Variants in NEDD4L observed in about 807,000 individuals in gnomAD.
NEDD4L encodes E3 ubiquitin-protein ligase NEDD4-like.
Under a neutral mutation model 148.9 loss-of-function variants are expected in NEDD4L, and 54 were observed. The observed-to-expected ratio is 0.36, with a 90% CI of 0.29 to 0.45. The LOEUF (loss-of-function observed/expected upper bound fraction) is 0.45, where lower values mean the gene tolerates loss of function less well. NEDD4L is among the 20% of genes least tolerant of loss of function. NEDD4L has a pLI of 1.00. For missense variants in NEDD4L, 856 were observed against 1,233.8 expected (o/e 0.69, Z 4.59); for synonymous variants, 433 against 440.7 (o/e 0.98, Z 0.22).
chr18:58,243,175 G>A (rs139198999), intron 2 of NEDD4L, among the ~76,000 whole-genome samples: 111 of 152,248 alleles, frequency 7.3e-4, no homozygotes, highest in African/African-American at 2.4e-3. Flanking sequence ...TATAATAGCC[G>A]GCAATCATGA....
intron 2 of NEDD4L, among the ~76,000 whole-genome samples, chr18:58,203,122 C>T (rs760042545): frequency 5.9e-5 from 9 of 152,028 alleles, no homozygotes; most frequent in Non-Finnish European, 1.3e-4. Flanking sequence ...CACACACCAC[C>T]ACACCAACTA....
chr18:58,237,818 C>A (rs1325073257), intron 2 of NEDD4L, among the ~76,000 whole-genome samples: 6 of 152,128 alleles, frequency 3.9e-5, no homozygotes, highest in Non-Finnish European at 7.3e-5. Flanking sequence ...CCCCCTGTCT[C>A]CCAGGGGTCT....
At chr18:58,120,653 G>A (rs1321191989) in intron 1 of NEDD4L, among the ~76,000 whole-genome samples, 1 of 152,196 alleles carries the variant, frequency 6.6e-6, no homozygotes, top group African/African-American at 2.4e-5. Flanking sequence ...GGTGGCGGGA[G>A]CCTGTAGTCC....
intron 5 of NEDD4L, among the ~76,000 whole-genome samples, chr18:58,262,784 C>T (rs2049615773): frequency 6.6e-6 from 1 of 152,186 alleles, no homozygotes; most frequent in African/African-American, 2.4e-5. Flanking sequence ...AAATGAGTAA[C>T]TCAGTGAGAC....
intron 24 of NEDD4L, among the ~76,000 whole-genome samples, chr18:58,378,303 A>G (rs1230744201): frequency 6.6e-6 from 1 of 152,220 alleles, no homozygotes; most frequent in East Asian, 1.9e-4. Flanking sequence ...GAGGTGGGCC[A>G]CTGGCAGAAA....
intron 5 of NEDD4L, among the ~76,000 whole-genome samples, chr18:58,269,688 C>T (rs868144249): frequency 6.6e-6 from 1 of 152,072 alleles, no homozygotes; most frequent in Admixed American, 6.5e-5. Context: ...TTGAGAAAAA[C>T]TGATTTAAGA....
chr18:58,072,872 G>GCACACACA (rs766485355), intron 1 of NEDD4L, among the ~76,000 whole-genome samples: 1,333 of 131,582 alleles, frequency 0.01, 8 homozygotes, highest in Middle Eastern at 0.031. Flanking sequence ...GCGCGCGCGC[G>GCACACACA]CACACACACA....
chr18:58,070,507 GAAGT>G (rs1167113056), intron 1 of NEDD4L, among the ~76,000 whole-genome samples: 1 of 152,044 alleles, frequency 6.6e-6, no homozygotes, highest in African/African-American at 2.4e-5. Flanking sequence ...TTAAAATGGA[GAAGT>G]AAATGTTCCT....
intron 24 of NEDD4L, among the ~76,000 whole-genome samples, chr18:58,380,318 T>G (rs190213006): frequency 1.5e-3 from 231 of 150,194 alleles, no homozygotes; most frequent in African/African-American, 5.4e-3. Flanking sequence ...ATTTATTTAT[T>G]TATTTATTTA....
At chr18:58,184,214 G>T (rs1344886023) in intron 2 of NEDD4L, among the ~76,000 whole-genome samples, 2 of 152,128 alleles carry the variant, frequency 1.3e-5, no homozygotes, top group African/African-American at 4.8e-5. Flanking sequence ...TCCTGGTAGG[G>T]GTGTCTGGCT....
intron 1 of NEDD4L, among the ~76,000 whole-genome samples, chr18:58,153,738 A>G (rs523721): frequency 0.98 from 149,646 of 152,142 alleles, 73,604 homozygotes; most frequent in East Asian, 1. Context: ...GCTCTGCCTC[A>G]TGGGTTCACG....
At chr18:58,246,177 A>G (rs2047245363) in intron 3 of NEDD4L, among the ~76,000 whole-genome samples, 1 of 152,192 alleles carries the variant, frequency 6.6e-6, no homozygotes, top group Admixed American at 6.5e-5. Context: ...CACAGAATAC[A>G]GCAAAAACAA....
chr18:58,234,045 TTTTCTTTCTTTCTTTCTTTC>T (rs1156456436), intron 2 of NEDD4L, among the ~76,000 whole-genome samples: 9 of 117,876 alleles, frequency 7.6e-5, no homozygotes, highest in South Asian at 2.9e-4. Context: ...ATTTCTTTCC[TTTTCTTTCTTTCTTTCTTTC>T]TTTCTTTCTT....
At chr18:58,105,228 T>C (rs1626076) in intron 1 of NEDD4L, among the ~76,000 whole-genome samples, 42,800 of 152,090 alleles carry the variant, frequency 0.28, 6,728 homozygotes, top group African/African-American at 0.42. Context: ...ACTGAAGGTA[T>C]GATGCCTGAA....
rs1442827767 is a variant in NEDD4L at position 58,245,479 on chromosome 18, GC to G, written c.176del (p.Ala59ValfsTer12). Reference sequence around the variant, plus strand: ...CGTAGCGGATGAGAATAGAGAACTTGCTTTGGTCCAGACAAAAACAATTAAA... The same window carrying G: ...CGTAGCGGATGAGAATAGAGAACTTGTTTGGTCCAGACAAAAACAATTAAA... ...LYVADENREL[A>X]LVQTKTIKKT... On this transcript the variant is annotated frameshift_variant, in exon 3 of 31. Transcript: ENST00000400345. LOFTEE classifies it high-confidence loss of function. 6.3e-7 allele frequency: 1 copy of G among 1,583,962 alleles called. No homozygotes were observed.
Position 58,273,574 on chromosome 18 carries a change from A to G in NEDD4L, c.297+21520A>G, listed in dbSNP as rs57065701. On this transcript the variant is annotated intron_variant, in intron 5 of 30. Transcript: ENST00000400345. ...TAGAATCCTTCTTCACTTTTGAATC[A>G]TTTGGTCCAGGAGTTTAAGGCCTTT... is the stretch of plus-strand genomic sequence containing the variant. Among the ~76,000 whole-genome samples, 1,404 of 152,260 alleles carry G rather than the reference A, an allele frequency of 9.2e-3. 23 individuals are homozygous for G. The highest frequency in any genetic ancestry group is 0.032 in the African/African-American group (1,341 of 41,536).
intron 1 of NEDD4L, among the ~76,000 whole-genome samples, chr18:58,115,073 C>T (rs923415496): frequency 3.3e-5 from 5 of 152,260 alleles, no homozygotes; most frequent in African/African-American, 4.8e-5. Flanking sequence ...GATTAGGACT[C>T]GCGCATCTTG....
intron 2 of NEDD4L, among the ~76,000 whole-genome samples, chr18:58,204,020 C>A (rs6566951): frequency 0.025 from 3,769 of 152,214 alleles, 166 homozygotes; most frequent in African/African-American, 0.087. Context: ...AAAAATTCAA[C>A]CATTTTGACT....
intron 1 of NEDD4L, among the ~76,000 whole-genome samples, chr18:58,058,746 A>G (rs974746413): frequency 4.6e-5 from 7 of 152,196 alleles, no homozygotes; most frequent in Non-Finnish European, 8.8e-5. Flanking sequence ...CACTGTTCAA[A>G]GCTGGGCACT....
Sources: gnomAD v4.1 joint callset for allele counts (sites outside exome capture counted in the v4.1 genomes callset) on GRCh38, gnomAD v4.1.1 for gene constraint, MANE v1.5 for transcripts, NCBI Gene and HGNC (gene_info 2026-07-23, HGNC 2026-07-21) for gene names.